Variants in FAM168A observed in about 807,000 individuals in gnomAD.
FAM168A encodes protein FAM168A.
In FAM168A, 3 loss-of-function variants were observed where a neutral mutation model predicts 28.5. The observed-to-expected ratio is 0.11, with a 90% confidence interval of 0.05 to 0.27. FAM168A has a LOEUF of 0.27. Among genes scored for constraint, FAM168A ranks in the 10% least tolerant of loss-of-function variants. The probability of loss-of-function intolerance (pLI) is 1.00; values close to 1 mark genes in which losing one functional copy is unlikely to be tolerated. For synonymous variants in FAM168A, 122 were observed against 124.2 expected (o/e 0.98, Z 0.12); for missense variants, 222 against 311.5 (o/e 0.71, Z 2.16).
chr11:73,577,069 C>T (rs1306171500), intron 1 of FAM168A, among the ~76,000 whole-genome samples: 3 of 152,150 alleles, frequency 2.0e-5, no homozygotes, highest in Non-Finnish European at 2.9e-5. Flanking sequence ...TGTGCTGAAC[C>T]GCATCACGGA....
chr11:73,459,353 G>T (rs1296836990), intron 2 of FAM168A, among the ~76,000 whole-genome samples: 2 of 151,954 alleles, frequency 1.3e-5, no homozygotes, highest in Non-Finnish European at 2.9e-5. Flanking sequence ...GGGCGTGGTG[G>T]CATGCGCCTA....
intron 1 of FAM168A, among the ~76,000 whole-genome samples, chr11:73,477,930 T>C (rs1041558523): frequency 1.8e-4 from 16 of 90,884 alleles, no homozygotes; most frequent in African/African-American, 4.6e-4. Context: ...TGTAGATAGA[T>C]AGATAGATAG....
chr11:73,409,233 C>A (rs968484277), intron 6 of FAM168A, among the ~76,000 whole-genome samples: 1 of 152,178 alleles, frequency 6.6e-6, no homozygotes, highest in Non-Finnish European at 1.5e-5. Flanking sequence ...CATGTTCTTT[C>A]TGCACCACCC....
chr11:73,474,956 T>C (rs770046994), intron 1 of FAM168A, among the ~76,000 whole-genome samples: 1 of 152,178 alleles, frequency 6.6e-6, no homozygotes, highest in African/African-American at 2.4e-5. Flanking sequence ...TTGGGCAAAA[T>C]AGGCAATGGT....
intron 1 of FAM168A, among the ~76,000 whole-genome samples, chr11:73,554,859 G>A (rs1414455596): frequency 6.6e-6 from 1 of 152,178 alleles, no homozygotes; most frequent in African/African-American, 2.4e-5. Flanking sequence ...TGAGTAAAGA[G>A]AGAAATGAAA....
chr11:73,498,254 C>T (rs768989965), intron 1 of FAM168A, among the ~76,000 whole-genome samples: 1 of 152,092 alleles, frequency 6.6e-6, no homozygotes, highest in Non-Finnish European at 1.5e-5. Context: ...GCTGGCGTGA[C>T]CCATGGAGAA....
At chr11:73,595,464 C>T (rs1394033868) in intron 1 of FAM168A, among the ~76,000 whole-genome samples, 2 of 152,144 alleles carry the variant, frequency 1.3e-5, no homozygotes, top group South Asian at 4.1e-4. Context: ...AGAATTATTT[C>T]GATCCCAATG....
chr11:73,561,962 A>G (rs1437933894), intron 1 of FAM168A, among the ~76,000 whole-genome samples: 1 of 151,854 alleles, frequency 6.6e-6, no homozygotes, highest in Non-Finnish European at 1.5e-5. Flanking sequence ...TTTTTTCCAA[A>G]GACTGAGTCT....
intron 2 of FAM168A, among the ~76,000 whole-genome samples, chr11:73,444,716 A>G (rs935583796): frequency 1.3e-5 from 2 of 152,218 alleles, no homozygotes; most frequent in African/African-American, 4.8e-5. Context: ...ACAGGGCATT[A>G]GCTGAAACAA....
chr11:73,591,985 A>T (rs1056897391), intron 1 of FAM168A, among the ~76,000 whole-genome samples: 6 of 152,250 alleles, frequency 3.9e-5, no homozygotes, highest in African/African-American at 1.4e-4. Flanking sequence ...AGGAAGACAC[A>T]TTAGAAAACT....
At chr11:73,538,335 A>C (rs1344248406) in intron 1 of FAM168A, among the ~76,000 whole-genome samples, 2 of 115,142 alleles carry the variant, frequency 1.7e-5, no homozygotes, top group African/African-American at 8.1e-5. Flanking sequence ...GTTCCAAAAC[A>C]AAAAACAAAA....
chr11:73,522,306 A>G (rs1002060484), intron 1 of FAM168A, among the ~76,000 whole-genome samples: 6 of 151,796 alleles, frequency 4.0e-5, no homozygotes, highest in African/African-American at 1.5e-4. Flanking sequence ...CGGGGTCATC[A>G]GGACTCTGGG....
rs932272352 is a variant in FAM168A, at chr11:73,401,974, C to G, written c.*4789G>C. 4 of 152,342 alleles carry G rather than the reference C, an allele frequency of 2.6e-5. No homozygotes were observed. Among genetic ancestry groups the G allele is most frequent in the Admixed American group, 2.0e-4 (3 of 15,310 alleles). The allele number at this position is 152,342 out of a possible 1,614,324, so 9.4% of individuals were successfully genotyped here. A position where few individuals can be genotyped will look rare whatever the true frequency, so the allele number is the denominator to read the frequency against. ...AGGAAAGGGGCAGATAAGTAAAGGA[C>G]AAACCCTGCAGCCCCCTTGGCATGC... On this transcript the variant is annotated 3_prime_UTR_variant, in exon 8 of 8. Coordinates refer to ENST00000356467, the MANE Select transcript of FAM168A (RefSeq NM_015159.3).
chr11:73,489,677 ATTTTGT>A lies in FAM168A; in HGVS notation c.-18-21191_-18-21186del, dbSNP rs552654894. 1.3e-4 allele frequency among the ~76,000 whole-genome samples: 20 copies of A among 152,024 alleles called. 1 individual carries two copies. The highest frequency in any genetic ancestry group is 4.6e-4 in the Admixed American group (7 of 15,272). On this transcript the variant is annotated intron_variant, in intron 1 of 7. Transcript: ENST00000356467. ...AGGCACATGCCACCACTCCTGGCTA[ATTTTGT>A]TTTTGTTTTTGTTTTCATAGAGATG...
At chr11:73,549,657 T>C (rs914110065) in intron 1 of FAM168A, among the ~76,000 whole-genome samples, 1 of 152,180 alleles carries the variant, frequency 6.6e-6, no homozygotes, top group African/African-American at 2.4e-5. Flanking sequence ...CCAGTAAGTG[T>C]TTCTTAGCAA....
At chr11:73,576,620 T>C (rs1944179166) in intron 1 of FAM168A, among the ~76,000 whole-genome samples, 1 of 152,120 alleles carries the variant, frequency 6.6e-6, no homozygotes, top group South Asian at 2.1e-4. Context: ...AAGACGGAAA[T>C]GGGGAATCAA....
At chr11:73,428,603 AAATTT>A (rs1246133626) in intron 3 of FAM168A, among the ~76,000 whole-genome samples, 3 of 152,198 alleles carry the variant, frequency 2.0e-5, no homozygotes, top group Admixed American at 2.0e-4. Context: ...CATAGCACTT[AAATTT>A]AAGTCATTTA....
chr11:73,443,850 G>A (rs972192074), intron 2 of FAM168A, among the ~76,000 whole-genome samples: 5 of 152,184 alleles, frequency 3.3e-5, no homozygotes, highest in Admixed American at 3.3e-4. Context: ...GTTAGCACCA[G>A]TGTCCTTTTT....
At chr11:73,452,359 T>A (rs998749995) in intron 2 of FAM168A, 3 of 152,460 alleles carry the variant, frequency 2.0e-5, no homozygotes, top group African/African-American at 7.2e-5. Flanking sequence ...CGCAATGATG[T>A]TTCTGAGGAA....
Sources: gnomAD v4.1 joint callset for allele counts (sites outside exome capture counted in the v4.1 genomes callset) on GRCh38, gnomAD v4.1.1 for gene constraint, MANE v1.5 for transcripts, NCBI Gene and HGNC (gene_info 2026-07-23, HGNC 2026-07-21) for gene names.